The following PTPRT variants were observed in gnomAD, a reference collection of about 807,000 sequenced individuals.
PTPRT encodes the protein receptor-type tyrosine-protein phosphatase T.
PTPRT carries 56 observed loss-of-function variants against 176.8 expected under a neutral mutation model. The ratio of observed to expected loss-of-function variants is 0.32; its 90% CI spans 0.26 to 0.40. The LOEUF (loss-of-function observed/expected upper bound fraction) is 0.40, where lower values mean the gene tolerates loss of function less well. Among genes scored for constraint, PTPRT ranks in the 10% least tolerant of loss-of-function variants. The pLI, the probability that PTPRT is intolerant of heterozygous loss-of-function variation, is 1.00. For synonymous variants in PTPRT, 783 were observed against 739.0 expected (o/e 1.06, Z -0.96); for missense variants, 1,540 against 1,908.2 (o/e 0.81, Z 3.60).
At chr20:42,931,164 G>A (rs564005256) in intron 1 of PTPRT, among the ~76,000 whole-genome samples, 40 of 152,264 alleles carry the variant, frequency 2.6e-4, no homozygotes, top group Non-Finnish European at 4.9e-4. Context: ...AAATATTCAC[G>A]TGTTGAAGCT....
rs1047575563 is a variant in PTPRT at position 42,073,820 on chromosome 20, T to A, written c.*7059A>T. The stretch of plus-strand genomic sequence containing the variant: ...CAGGTATGAATGAGTTCAAACATGA[T>A]CCCAGCTCCACAAGATCTCACCCAT... On this transcript the variant is annotated 3_prime_UTR_variant, in exon 31 of 31. Coordinates refer to ENST00000373187, the MANE Select transcript of PTPRT (RefSeq NM_007050.6). 4.4e-6 allele frequency: 1 copy of A among 225,552 alleles called. No homozygotes were observed. Among genetic ancestry groups the A allele is most frequent in the African/African-American group, 2.2e-5 (1 of 44,900 alleles). 14.0% of individuals were successfully genotyped at this position (225,552 alleles called of 1,614,324 possible).
At chr20:42,839,680 A>G (rs1304704473) in intron 2 of PTPRT, among the ~76,000 whole-genome samples, 1 of 152,192 alleles carries the variant, frequency 6.6e-6, no homozygotes, top group Non-Finnish European at 1.5e-5. Context: ...AAAAATGACC[A>G]AGGACATCCC....
At chr20:42,890,359 C>A (rs184709066) in intron 1 of PTPRT, among the ~76,000 whole-genome samples, 49 of 152,276 alleles carry the variant, frequency 3.2e-4, no homozygotes, top group Non-Finnish European at 2.9e-4. Context: ...AACCCAATAG[C>A]AACTGACACT....
At chr20:42,109,764 A>G (rs1396530209) in intron 23 of PTPRT, among the ~76,000 whole-genome samples, 3 of 152,186 alleles carry the variant, frequency 2.0e-5, no homozygotes, top group Admixed American at 1.3e-4. Context: ...GAAGTAAATA[A>G]TGTGGGTAAA....
chr20:43,000,802 A>G (rs6065562), intron 1 of PTPRT, among the ~76,000 whole-genome samples: 29,247 of 152,108 alleles, frequency 0.19, 2,906 homozygotes, highest in Middle Eastern at 0.21. Flanking sequence ...GTGATACGAC[A>G]GAAGAAAATA....
At chr20:42,494,034 T>C (rs886384841) in intron 7 of PTPRT, among the ~76,000 whole-genome samples, 6 of 152,274 alleles carry the variant, frequency 3.9e-5, no homozygotes, top group African/African-American at 7.2e-5. Flanking sequence ...ATACAACTTA[T>C]AGTATATTTT....
chr20:42,319,073 GC>G (rs1466909292), intron 11 of PTPRT, among the ~76,000 whole-genome samples: 4 of 152,164 alleles, frequency 2.6e-5, no homozygotes, highest in Non-Finnish European at 5.9e-5. Flanking sequence ...GTGAGGGTCA[GC>G]CTGTATATCC....
At chr20:42,123,237 T>A (rs760540980) in intron 19 of PTPRT, among the ~76,000 whole-genome samples, 1 of 152,306 alleles carries the variant, frequency 6.6e-6, no homozygotes, top group Non-Finnish European at 1.5e-5. Context: ...TTCAGTGAGA[T>A]AACATTTTGA....
intron 7 of PTPRT, among the ~76,000 whole-genome samples, chr20:42,543,385 C>T (rs2072617937): frequency 6.6e-6 from 1 of 152,162 alleles, no homozygotes; most frequent in Admixed American, 6.5e-5. Flanking sequence ...TTTGCTTGTC[C>T]ATAAGAAGCA....
intron 9 of PTPRT, among the ~76,000 whole-genome samples, chr20:42,371,177 A>T (rs2058581981): frequency 1.3e-5 from 2 of 152,232 alleles, no homozygotes; most frequent in South Asian, 4.1e-4. Context: ...CCCATAGGGC[A>T]GTGGTTTCAG....
chr20:43,001,855 AAAAC>A (rs142757616), intron 1 of PTPRT, among the ~76,000 whole-genome samples: 40,145 of 150,880 alleles, frequency 0.27, 6,202 homozygotes, highest in African/African-American at 0.44. Context: ...CAAACATTGT[AAAAC>A]AAACAAACAA....
At chr20:42,128,929 G>T in intron 18 of PTPRT, 99 bp from the exon 19 acceptor site, 1 of 948,098 alleles carries the variant, frequency 1.1e-6, no homozygotes, top group Non-Finnish European at 1.5e-6. Flanking sequence ...TGCATATCAG[G>T]CATTGTGCTA....
intron 6 of PTPRT, among the ~76,000 whole-genome samples, chr20:42,719,784 A>G (rs771948049): frequency 5.3e-5 from 8 of 152,220 alleles, no homozygotes; most frequent in Non-Finnish European, 5.9e-5. Flanking sequence ...GAGCCAGTGT[A>G]TAAACGTCAC....
intron 7 of PTPRT, among the ~76,000 whole-genome samples, chr20:42,637,345 A>G (rs573121820): frequency 1.5e-4 from 23 of 152,208 alleles, no homozygotes; most frequent in African/African-American, 4.8e-4. Context: ...GGCCTTAACA[A>G]TCTTTCTGAC....
chr20:42,690,517 G>A (rs1336750409), intron 6 of PTPRT, among the ~76,000 whole-genome samples: 1 of 152,158 alleles, frequency 6.6e-6, no homozygotes, highest in South Asian at 2.1e-4. Context: ...CAAGGCATAT[G>A]GACCAGTACA....
At chr20:42,598,476 T>C (rs6093689) in intron 7 of PTPRT, among the ~76,000 whole-genome samples, 62,667 of 151,994 alleles carry the variant, frequency 0.41, 15,973 homozygotes, top group African/African-American at 0.72. Flanking sequence ...AAGGGCATCT[T>C]ATGTTTTGTA....
At chr20:42,466,361 G>A (rs62204862) in intron 8 of PTPRT, among the ~76,000 whole-genome samples, 1 of 152,132 alleles carries the variant, frequency 6.6e-6, no homozygotes, top group Non-Finnish European at 1.5e-5. Context: ...TAGGTGGAAG[G>A]CAAACCTTTA....
At chr20:42,371,368 A>T (rs2058584684) in intron 9 of PTPRT, among the ~76,000 whole-genome samples, 1 of 152,212 alleles carries the variant, frequency 6.6e-6, no homozygotes, top group Admixed American at 6.5e-5. Context: ...TCATCTTAAC[A>T]TCTGCTGCCA....
intron 1 of PTPRT, among the ~76,000 whole-genome samples, chr20:43,005,955 T>C (rs984466733): frequency 1.3e-5 from 2 of 152,110 alleles, no homozygotes; most frequent in South Asian, 2.1e-4. Context: ...AGTTGATATA[T>C]AGGATGGAAT....
Sources: allele counts gnomAD v4.1 joint callset (sites outside exome capture counted in the v4.1 genomes callset), GRCh38; gene constraint gnomAD v4.1.1; transcripts MANE v1.5; gene names NCBI Gene and HGNC (gene_info 2026-07-23, HGNC 2026-07-21).